The following LRRC8C variants were observed in gnomAD, a reference collection of about 807,000 sequenced individuals.
LRRC8C encodes the protein volume-regulated anion channel subunit LRRC8C.
LRRC8C carries 20 observed loss-of-function variants against 55.3 expected under a neutral mutation model. The ratio of observed to expected loss-of-function variants is 0.36; its 90% CI spans 0.25 to 0.53. The LOEUF is 0.53. Ranked by LOEUF, LRRC8C falls within the 20% of genes least tolerant of loss-of-function variation. The pLI is 0.92. For missense variants in LRRC8C, 659 were observed against 951.4 expected (o/e 0.69, Z 4.04); for synonymous variants, 376 against 360.7 (o/e 1.04, Z -0.48).
At chr1:89,638,279 C>T (rs1473831948) in intron 1 of LRRC8C, among the ~76,000 whole-genome samples, 1 of 152,158 alleles carries the variant, frequency 6.6e-6, no homozygotes, top group East Asian at 1.9e-4. Flanking sequence ...CTAGAGAGAA[C>T]ACAGTGGAGC....
chr1:89,704,483 G>A (rs533611228), intron 2 of LRRC8C, among the ~76,000 whole-genome samples: 1 of 152,078 alleles, frequency 6.6e-6, no homozygotes, highest in Non-Finnish European at 1.5e-5. Context: ...AACTCAAGGT[G>A]CAGGAACAAT....
At chr1:89,707,416 A>AC (rs1199613439) in intron 2 of LRRC8C, among the ~76,000 whole-genome samples, 1 of 151,756 alleles carries the variant, frequency 6.6e-6, no homozygotes, top group African/African-American at 2.4e-5. Flanking sequence ...AAAAAAAACA[A>AC]AAACAAAAAA....
chr1:89,647,611 AT>A, intron 1 of LRRC8C, among the ~76,000 whole-genome samples: 1 of 152,346 alleles, frequency 6.6e-6, no homozygotes, highest in South Asian at 2.1e-4. Context: ...TCTGGGTACA[AT>A]ATACGGTAAG....
the LRRC8C span, among the ~76,000 whole-genome samples, chr1:89,617,642 C>T: frequency 3.9e-5 from 6 of 152,142 alleles, no homozygotes; most frequent in Admixed American, 1.3e-4. Context: ...ACACTAACTA[C>T]CAGAATTGGC....
chr1:89,683,880 C>T lies in LRRC8C; in HGVS notation c.-4-2590C>T, dbSNP rs1657795368. 1.3e-5 allele frequency among the ~76,000 whole-genome samples: 2 copies of T among 152,140 alleles called. 1 individual carries two copies. Among genetic ancestry groups the T allele is most frequent in the South Asian group, 4.1e-4 (2 of 4,822 alleles). ...ATCATATCACAATAGATTGAAATTT[C>T]AGGCAAAACAACATATTATATCATA... On this transcript the variant is annotated intron_variant, in intron 1 of 2. Transcript: ENST00000370454.
intron 1 of LRRC8C, among the ~76,000 whole-genome samples, chr1:89,676,870 C>T (rs556664723): frequency 6.6e-6 from 1 of 152,230 alleles, no homozygotes; most frequent in South Asian, 2.1e-4. Context: ...CTCTCAGCAC[C>T]TAGCACAGAG....
chr1:89,699,103 T>C (rs1447232080), intron 2 of LRRC8C, among the ~76,000 whole-genome samples: 1 of 152,210 alleles, frequency 6.6e-6, no homozygotes, highest in Non-Finnish European at 1.5e-5. Context: ...ACATTAAATG[T>C]ACATTGCTAA....
chr1:89,626,730 T>G, the LRRC8C span: 1 of 152,118 alleles, frequency 6.6e-6, no homozygotes, highest in Non-Finnish European at 1.5e-5. Flanking sequence ...GAAGCTTCTG[T>G]ATCAGTGGAG....
rs1199902273 is a variant in LRRC8C, at chr1:89,718,459, AAAAAC to A, written c.*3482_*3486del. The stretch of plus-strand genomic sequence containing the variant: ...TCAGGATTTCTGATATTAAAAAAGA[AAAAAC>A]AAAATCTTTATATCTCTTATTAACA... On this transcript the variant is annotated 3_prime_UTR_variant, in exon 3 of 3. Transcript: ENST00000370454. The A allele has an allele frequency of 6.6e-6, 1 of 152,182 alleles. No homozygotes were observed. Among genetic ancestry groups the A allele is most frequent in the Non-Finnish European group, 1.5e-5 (1 of 68,004 alleles). The allele number at this position is 152,182 out of a possible 1,614,324, so 9.4% of individuals were successfully genotyped here. A position where few individuals can be genotyped will look rare whatever the true frequency, so the allele number is the denominator to read the frequency against.
intron 1 of LRRC8C, among the ~76,000 whole-genome samples, chr1:89,664,023 C>A (rs1657189846): frequency 6.6e-6 from 1 of 152,066 alleles, no homozygotes; most frequent in Admixed American, 6.6e-5. Flanking sequence ...TGGATATTAG[C>A]CCTTTGTCAG....
chr1:89,631,122 A>C (rs1656095391), upstream of LRRC8C, among the ~76,000 whole-genome samples: 1 of 152,200 alleles, frequency 6.6e-6, no homozygotes, highest in Non-Finnish European at 1.5e-5. Flanking sequence ...AGTTAAGTAC[A>C]ATAGTAGCTC....
At chr1:89,695,428 T>C (rs952206663) in intron 2 of LRRC8C, among the ~76,000 whole-genome samples, 10 of 152,344 alleles carry the variant, frequency 6.6e-5, no homozygotes, top group Admixed American at 2.6e-4. Context: ...GCTGGGGCTA[T>C]GTGACCTTAA....
At chr1:89,667,820 C>A (rs1657314054) in intron 1 of LRRC8C, among the ~76,000 whole-genome samples, 1 of 152,056 alleles carries the variant, frequency 6.6e-6, no homozygotes, top group African/African-American at 2.4e-5. Context: ...ACTTTAGGTA[C>A]CCGTGAGAAT....
intron 2 of LRRC8C, among the ~76,000 whole-genome samples, chr1:89,708,871 C>G (rs2101348527): frequency 6.6e-6 from 1 of 152,278 alleles, no homozygotes; most frequent in Admixed American, 6.5e-5. Context: ...TCAGAGATGC[C>G]TCTCTGCAGG....
chr1:89,625,805 A>G, the LRRC8C span, among the ~76,000 whole-genome samples: 1 of 152,218 alleles, frequency 6.6e-6, no homozygotes, highest in East Asian at 1.9e-4. Context: ...TTAGGCTTAA[A>G]ATTAGATGCT....
chr1:89,652,895 C>T (rs1364005475), intron 1 of LRRC8C, among the ~76,000 whole-genome samples: 3 of 152,058 alleles, frequency 2.0e-5, no homozygotes, highest in Admixed American at 6.5e-5. Flanking sequence ...TGGGGAGACA[C>T]AGATATCTAT....
At chr1:89,663,813 G>A (rs554420244) in intron 1 of LRRC8C, among the ~76,000 whole-genome samples, 127 of 152,114 alleles carry the variant, frequency 8.3e-4, no homozygotes, top group African/African-American at 2.9e-3. Context: ...TTTAATGATC[G>A]CCATTCTAAC....
rs757798044 is a variant in LRRC8C at position 89,714,561 on chromosome 1, G to A, written c.1991G>A (p.Arg664His). 9 of 1,614,148 alleles carry A rather than the reference G, an allele frequency of 5.6e-6. No homozygotes were observed. The highest frequency in any genetic ancestry group is 3.3e-5 in the South Asian group (3 of 91,068). Residue 664 changes from arginine to histidine, a missense_variant, in exon 3 of 3, where the codon CGC becomes CAC. Physicochemically the swap from Arg to His is conservative, Grantham distance 29 (BLOSUM62 0). Transcript: ENST00000370454. This position sits in a 1 kb window ranked among gnomAD's most constrained non-coding sequence, Gnocchi z 4.6. ...EHIKKLTSLE[R>H]LSFSHNKIEV... The stretch of plus-strand genomic sequence containing the variant: ...ATAAAGAAACTCACCAGCCTGGAAC[G>A]CCTGTCCTTTAGTCACAATAAAATA...
chr1:89,625,205 T>A, the LRRC8C span: 1 of 152,110 alleles, frequency 6.6e-6, no homozygotes, highest in East Asian at 1.9e-4. Context: ...CTGACTGAAA[T>A]CTAAGGAGGA....
Sources: allele counts gnomAD v4.1 joint callset (sites outside exome capture counted in the v4.1 genomes callset), GRCh38; gene constraint gnomAD v4.1.1; non-coding constraint Gnocchi (gnomAD v3.1); transcripts MANE v1.5; gene names NCBI Gene and HGNC (gene_info 2026-07-23, HGNC 2026-07-21).